ZFHX3: variants seen among roughly 807,000 people sequenced by gnomAD.
ZFHX3 encodes zinc finger homeobox protein 3.
In ZFHX3, 42 loss-of-function variants were observed where a neutral mutation model predicts 279.1. The observed-to-expected ratio is 0.15, with a 90% CI of 0.12 to 0.19. The LOEUF (loss-of-function observed/expected upper bound fraction) is 0.19. Among genes scored for constraint, ZFHX3 ranks in the 10% least tolerant of loss-of-function variants. The probability of loss-of-function intolerance (pLI) is 1.00; values close to 1 mark genes in which losing one functional copy is unlikely to be tolerated. For synonymous variants in ZFHX3, 2,293 were observed against 1,957.8 expected (o/e 1.17, Z -4.52); for missense variants, 4,981 against 4,754.0 (o/e 1.05, Z -1.40).
chr16:73,563,165 TTTTGTTGTGTGTGTGTGTG>T (rs2020396903), intron 2 of ZFHX3, among the ~76,000 whole-genome samples: 1 of 145,252 alleles, frequency 6.9e-6, no homozygotes, highest in Non-Finnish European at 1.5e-5. Context: ...GTTTTTTTTG[TTTTGTTGTGTGTGTGTGTG>T]TGTGTGTGTG....
At chr16:73,452,649 A>G (rs897827566) in intron 3 of ZFHX3, among the ~76,000 whole-genome samples, 4 of 152,208 alleles carry the variant, frequency 2.6e-5, no homozygotes, top group African/African-American at 9.6e-5. Context: ...TCCTACTCCC[A>G]AACTAAGACA....
intron 3 of ZFHX3, among the ~76,000 whole-genome samples, chr16:73,393,909 T>C (rs2017072109): frequency 6.8e-6 from 1 of 147,952 alleles, no homozygotes; most frequent in African/African-American, 2.5e-5. Context: ...ATGTGATATA[T>C]ATGAATATAT....
At chr16:73,619,262 G>T (rs1179196442) in intron 2 of ZFHX3, among the ~76,000 whole-genome samples, 1 of 152,042 alleles carries the variant, frequency 6.6e-6, no homozygotes, top group Non-Finnish European at 1.5e-5. Flanking sequence ...GCTGAGGCAG[G>T]TGGATCATGA....
chr16:73,422,156 A>G (rs1023485322), intron 3 of ZFHX3, among the ~76,000 whole-genome samples: 3 of 152,096 alleles, frequency 2.0e-5, no homozygotes, highest in East Asian at 1.9e-4. Context: ...AAGAAGCCCA[A>G]GAAGATAATT....
chr16:73,446,490 T>C (rs2018187329), intron 3 of ZFHX3, among the ~76,000 whole-genome samples: 1 of 151,986 alleles, frequency 6.6e-6, no homozygotes, highest in Non-Finnish European at 1.5e-5. Context: ...TGGGGAAACC[T>C]CCCCAGTGAT....
chr16:73,110,833 G>C (rs1262309744), intron 7 of ZFHX3, among the ~76,000 whole-genome samples: 1 of 152,076 alleles, frequency 6.6e-6, no homozygotes, highest in African/African-American at 2.4e-5. Context: ...CAAATTGCTG[G>C]GATTATAGGT....
chr16:73,229,056 TGTAA>T (rs548911165), intron 5 of ZFHX3, among the ~76,000 whole-genome samples: 3 of 152,292 alleles, frequency 2.0e-5, no homozygotes, highest in Admixed American at 2.0e-4. Flanking sequence ...TAATCCTGCC[TGTAA>T]GTAATAGAAT....
intron 1 of ZFHX3, among the ~76,000 whole-genome samples, chr16:72,994,226 T>A (rs1963197282): frequency 6.6e-6 from 1 of 152,224 alleles, no homozygotes; most frequent in Admixed American, 6.5e-5. Context: ...TCATCTTTAT[T>A]ATTTTAGAAT....
At chr16:73,693,386 C>T (rs1453594944) in intron 1 of ZFHX3, among the ~76,000 whole-genome samples, 3 of 151,778 alleles carry the variant, frequency 2.0e-5, no homozygotes, top group Non-Finnish European at 4.4e-5. Context: ...TAAATGGAGC[C>T]TGTTTGCTGT....
At chr16:73,171,993 G>GA (rs764432386) in intron 5 of ZFHX3, among the ~76,000 whole-genome samples, 19 of 152,086 alleles carry the variant, frequency 1.2e-4, no homozygotes, top group Non-Finnish European at 2.5e-4. Flanking sequence ...AAAAAAATGG[G>GA]AAAAAATTCC....
chr16:73,018,939 G>A (rs773147014), intron 1 of ZFHX3, among the ~76,000 whole-genome samples: 25 of 152,282 alleles, frequency 1.6e-4, no homozygotes, highest in Admixed American at 2.6e-4. Flanking sequence ...GTTCCGCTAA[G>A]ACTCTGACCT....
rs112007457 is a variant in ZFHX3 at position 73,745,358 on chromosome 16, G to A, written c.-1607-65118C>T. Among the ~76,000 whole-genome samples, 1,022 of 152,294 alleles carry A rather than the reference G, an allele frequency of 6.7e-3. 13 individuals are homozygous for A. Among genetic ancestry groups the A allele is most frequent in the African/African-American group, 0.023 (969 of 41,558 alleles). On this transcript the variant is annotated intron_variant, in intron 1 of 17. Coordinates refer to the ZFHX3 transcript ENST00000641206. ...TCTCCTTAAGAGCAGAGGACAAGGA[G>A]GCTAGTTTAAGATTACCTTTTCTTT...
chr16:73,046,552 A>G (rs1487166217), intron 1 of ZFHX3, among the ~76,000 whole-genome samples: 1 of 151,582 alleles, frequency 6.6e-6, no homozygotes, highest in Non-Finnish European at 1.5e-5. Context: ...AAGATTTGAC[A>G]CCTCCTGAAT....
intron 1 of ZFHX3, among the ~76,000 whole-genome samples, chr16:73,012,285 A>G (rs147077186): frequency 1.3e-5 from 2 of 152,334 alleles, no homozygotes; most frequent in East Asian, 1.9e-4. Flanking sequence ...TGGGAAGTGC[A>G]TGCATAGGAT....
At chr16:72,864,079 T>C (rs1567553456) in intron 4 of ZFHX3, among the ~76,000 whole-genome samples, 3 of 152,158 alleles carry the variant, frequency 2.0e-5, no homozygotes, top group Admixed American at 1.3e-4. Context: ...ACAGTGCCAC[T>C]TGCAGTCCGG....
intron 2 of ZFHX3, among the ~76,000 whole-genome samples, chr16:73,471,714 G>A (rs78747028): frequency 0.013 from 1,912 of 152,240 alleles, 105 homozygotes; most frequent in East Asian, 0.12. Flanking sequence ...TAGGTCAAAA[G>A]GAATTACAGG....
At chr16:73,238,487 C>T (rs932466958) in intron 5 of ZFHX3, among the ~76,000 whole-genome samples, 1 of 152,066 alleles carries the variant, frequency 6.6e-6, no homozygotes, top group African/African-American at 2.4e-5. Context: ...TTCCCTATTT[C>T]TATTTTCTCT....
intron 1 of ZFHX3, among the ~76,000 whole-genome samples, chr16:73,709,580 A>C (rs565647387): frequency 2.0e-5 from 3 of 151,896 alleles, no homozygotes; most frequent in Non-Finnish European, 4.4e-5. Flanking sequence ...AAAAAAGTCA[A>C]ACTCATAGAA....
chr16:72,957,564 A>G lies in ZFHX3; in HGVS notation c.2582T>C (p.Leu861Pro), dbSNP rs771460348. 3 of 1,613,998 alleles carry G rather than the reference A, an allele frequency of 1.9e-6. No individual in the cohort carries two copies. In the South Asian group the frequency reaches 3.3e-5, roughly 18 times the overall value. Reference protein sequence around the residue: ...GSLPSPAEAELYQYYLAQNMN... With the variant: ...GSLPSPAEAEPYQYYLAQNMN... ...GTTCTGGGCCAGGTAGTATTGGTAG[A>G]GCTCGGCCTCGGCGGGTGAGGGCAG... The change falls in exon 2 of 10, where the codon CTC (leucine) becomes CCC (proline). Residue 861 changes from leucine to proline, a missense_variant. This residue lies in a region of ZFHX3 where 1,751 missense variants were observed against 1,770.0 expected (regional missense o/e 0.99). Coordinates refer to ENST00000268489, the MANE Select transcript of ZFHX3 (RefSeq NM_006885.4).
Sources: allele counts gnomAD v4.1 joint callset (sites outside exome capture counted in the v4.1 genomes callset), GRCh38; gene constraint gnomAD v4.1.1; regional missense constraint gnomAD v4.1.1; transcripts MANE v1.5; gene names NCBI Gene and HGNC (gene_info 2026-07-23, HGNC 2026-07-21).